The following SPECC1 variants were observed in gnomAD, a reference collection of about 807,000 sequenced individuals.
SPECC1 encodes sperm antigen with calponin homology and coiled-coil domains 1.
SPECC1 carries 62 observed loss-of-function variants against 104.1 expected under a neutral mutation model. That is an observed-to-expected ratio of 0.60 (90% confidence interval 0.49 to 0.74). The LOEUF (loss-of-function observed/expected upper bound fraction) is 0.74. SPECC1 is among the 30% of genes least tolerant of loss of function. The pLI, the probability that SPECC1 is intolerant of heterozygous loss-of-function variation, is 0.00. For synonymous variants in SPECC1, 513 were observed against 501.6 expected (o/e 1.02, Z -0.30); for missense variants, 1,306 against 1,310.5 (o/e 1.00, Z 0.05).
chr17:20,236,870 T>C, intron 7 of SPECC1: 1 of 1,613,936 alleles, frequency 6.2e-7, no homozygotes, highest in Non-Finnish European at 8.5e-7. Context: ...CTCCCTGGGC[T>C]CTGTCAGCTA....
intron 1 of SPECC1, among the ~76,000 whole-genome samples, chr17:20,079,846 G>GGGA (rs999992389): frequency 2.6e-5 from 4 of 152,200 alleles, no homozygotes; most frequent in Admixed American, 6.5e-5. Context: ...GAGTCACAGA[G>GGGA]GGAGGGATCC....
In SPECC1 at chr17:20,205,667, T is replaced by C. The variant is rs756372342; in HGVS notation, c.1618T>C (p.Cys540Arg). 3.1e-6 allele frequency: 5 copies of C among 1,613,798 alleles called. No individual in the cohort carries two copies. The Admixed American group carries it at 5.0e-5, about 16-fold the overall frequency. Residue 540 changes from cysteine to arginine, a missense_variant, in exon 4 of 15, where the codon TGT becomes CGT. Coordinates refer to ENST00000395527, the MANE Select transcript of SPECC1 (RefSeq NM_001243439.2). ...NNMMAKTLEE[C>R]RVTLEGLKME... is the part of the protein sequence containing the mutation. ...CATGATGGCCAAAACTTTGGAAGAG[T>C]GTAGAGTTACCTTGGAAGGGCTAAA...
intron 10 of SPECC1, among the ~76,000 whole-genome samples, chr17:20,254,714 A>G (rs1330389634): frequency 6.6e-6 from 1 of 150,774 alleles, no homozygotes; most frequent in Non-Finnish European, 1.5e-5. Context: ...GTCCCTGTAG[A>G]AGGGATAGAA....
At chr17:20,094,188 TGAG>T (rs1240121487) in intron 1 of SPECC1, among the ~76,000 whole-genome samples, 1 of 151,922 alleles carries the variant, frequency 6.6e-6, no homozygotes, top group Non-Finnish European at 1.5e-5. Context: ...GGGGGATGGA[TGAG>T]GAGCATTTTC....
chr17:20,111,687 C>A, intron 3 of SPECC1: 1 of 596,776 alleles, frequency 1.7e-6, no homozygotes, highest in Non-Finnish European at 3.1e-6. Flanking sequence ...GTGGTGTGTC[C>A]CCAAAAGCAG....
chr17:20,302,405 G>A (rs1243530569), intron 13 of SPECC1, among the ~76,000 whole-genome samples: 1 of 152,166 alleles, frequency 6.6e-6, no homozygotes, highest in African/African-American at 2.4e-5. Flanking sequence ...GGGGAAGTGA[G>A]GCCCTTCGGA....
intron 1 of SPECC1, among the ~76,000 whole-genome samples, chr17:20,018,641 G>A (rs1435653468): frequency 2.0e-5 from 3 of 152,182 alleles, no homozygotes; most frequent in Non-Finnish European, 4.4e-5. Flanking sequence ...CTCAGCATGT[G>A]GTGTACTCAC....
chr17:20,172,156 T>C (rs2034140251), intron 3 of SPECC1, among the ~76,000 whole-genome samples: 1 of 152,210 alleles, frequency 6.6e-6, no homozygotes, highest in African/African-American at 2.4e-5. Context: ...CTGGCACCTG[T>C]GGAAGGTGTG....
chr17:20,079,315 T>C (rs1032620532), intron 1 of SPECC1, among the ~76,000 whole-genome samples: 1 of 152,166 alleles, frequency 6.6e-6, no homozygotes, highest in Non-Finnish European at 1.5e-5. Flanking sequence ...TGTATGTATT[T>C]TTAGAGACAG....
chr17:20,035,031 C>G (rs2045007326), intron 1 of SPECC1, among the ~76,000 whole-genome samples: 2 of 152,222 alleles, frequency 1.3e-5, no homozygotes, highest in Admixed American at 6.5e-5. Context: ...ACTCTACACC[C>G]TTTAATGAGA....
intron 13 of SPECC1, among the ~76,000 whole-genome samples, chr17:20,298,919 A>G (rs1001866329): frequency 1.5e-5 from 1 of 66,838 alleles, no homozygotes; most frequent in Non-Finnish European, 2.6e-5. Flanking sequence ...AAGCAGAACC[A>G]AAAGAGAGAG....
At chr17:20,063,044 A>G (rs1026875799) in intron 1 of SPECC1, among the ~76,000 whole-genome samples, 17 of 152,010 alleles carry the variant, frequency 1.1e-4, no homozygotes, top group African/African-American at 4.1e-4. Flanking sequence ...ATATGAAGTC[A>G]CTCCTTATAA....
intron 12 of SPECC1, among the ~76,000 whole-genome samples, chr17:20,278,324 G>C (rs1316050956): frequency 6.6e-6 from 1 of 152,182 alleles, no homozygotes; most frequent in Admixed American, 6.5e-5. Flanking sequence ...AAGCAAGAGG[G>C]TAACAGAGGC....
chr17:20,021,791 C>T (rs2044399614), intron 1 of SPECC1, among the ~76,000 whole-genome samples: 1 of 147,696 alleles, frequency 6.8e-6, no homozygotes, highest in Non-Finnish European at 1.5e-5. Flanking sequence ...CCGCCTTGGC[C>T]TCCCAAAGTG....
chr17:20,048,987 G>A (rs1038995971), intron 1 of SPECC1, among the ~76,000 whole-genome samples: 4 of 151,960 alleles, frequency 2.6e-5, no homozygotes, highest in African/African-American at 9.7e-5. Context: ...CATGTTTAAC[G>A]GGGAAGGAGG....
In SPECC1 at chr17:20,251,500, A is replaced by G. The variant is rs373364615; in HGVS notation, c.2599-2005A>G. 9.2e-4 allele frequency among the ~76,000 whole-genome samples: 140 copies of G among 152,266 alleles called. 6 individuals carry two copies. In the South Asian group the frequency reaches 0.028, roughly 30 times the overall value. ...AACTTCAAAAGCAAGATTTAAAACT[A>G]CTTTTGAAAACTGTATACCACGACC... On this transcript the variant is annotated intron_variant, in intron 9 of 14. Coordinates refer to ENST00000395527, the MANE Select transcript of SPECC1 (RefSeq NM_001243439.2).
chr17:20,258,947 A>G (rs188032921), intron 11 of SPECC1, among the ~76,000 whole-genome samples: 6 of 152,350 alleles, frequency 3.9e-5, no homozygotes, highest in Admixed American at 1.3e-4. Flanking sequence ...TAAAAGTTCA[A>G]CTTACATTTT....
intron 12 of SPECC1, among the ~76,000 whole-genome samples, chr17:20,282,659 G>T (rs2040814612): frequency 6.6e-6 from 1 of 152,178 alleles, no homozygotes; most frequent in Non-Finnish European, 1.5e-5. Flanking sequence ...CACGGCAGAG[G>T]AGACCCCCTT....
At chr17:20,288,223 T>C (rs555217592) in intron 12 of SPECC1, among the ~76,000 whole-genome samples, 1 of 152,314 alleles carries the variant, frequency 6.6e-6, no homozygotes, top group Non-Finnish European at 1.5e-5. Context: ...TCCTTGACTG[T>C]GCTATTGTGA....
Sources: gnomAD v4.1 joint callset for allele counts (sites outside exome capture counted in the v4.1 genomes callset) on GRCh38, gnomAD v4.1.1 for gene constraint, MANE v1.5 for transcripts, NCBI Gene and HGNC (gene_info 2026-07-23, HGNC 2026-07-21) for gene names.